INTS5: variants seen among roughly 807,000 people sequenced by gnomAD.
INTS5 encodes integrator complex subunit 5, also known as KIAA1698.
Under a neutral mutation model 60.0 loss-of-function variants are expected in INTS5, and 29 were observed. The observed-to-expected ratio is 0.48, with a 90% CI of 0.36 to 0.66. The LOEUF is 0.66. Among genes scored for constraint, INTS5 ranks in the 30% least tolerant of loss-of-function variants. INTS5 has a pLI of 0.00. For missense variants in INTS5, 1,129 were observed against 1,307.9 expected (o/e 0.86, Z 2.11); for synonymous variants, 588 against 558.8 (o/e 1.05, Z -0.74).
rs758953345 is a variant in INTS5 at position 62,647,397 on chromosome 11, G to A, written c.2683C>T (p.Pro895Ser). The change falls in exon 2 of 2, where the codon CCT (proline) becomes TCT (serine). Residue 895 changes from proline to serine, a missense_variant. By Grantham distance (74) the Pro-to-Ser change is moderately conservative (BLOSUM62 -1). Transcript: ENST00000330574. ...TGCCAGGGGGAGTGGGTCGTGTCAGGGTGGCGAGAGGCTTCCCAATGGCCC... is the reference window on the plus strand; with the variant it reads ...TGCCAGGGGGAGTGGGTCGTGTCAGAGTGGCGAGAGGCTTCCCAATGGCCC... ...LLGHWEASRHPDTTHSPWHLE... is the reference protein window; with the variant it reads ...LLGHWEASRHSDTTHSPWHLE... The A allele has an allele frequency of 1.9e-6, 3 of 1,612,068 alleles. No individual in the cohort carries two copies. The highest frequency in any genetic ancestry group is 2.2e-5 in the South Asian group (2 of 91,010).
Position 62,648,118 on chromosome 11 carries a change from G to A in INTS5, c.1962C>T (p.Arg654=). The A allele has an allele frequency of 1.9e-6, 3 of 1,614,008 alleles. No homozygotes were observed. Among genetic ancestry groups the A allele is most frequent in the Non-Finnish European group, 2.5e-6 (3 of 1,179,892 alleles). ...CATGCAGCCTCAGAGAGGCAAAGAAGCGGTGCACCCCAGCCCTTACCAGTC... is the reference window on the plus strand; with the variant it reads ...CATGCAGCCTCAGAGAGGCAAAGAAACGGTGCACCCCAGCCCTTACCAGTC... ...LLGLVRAGVH[R]FFASLRLHGP... The change falls in exon 2 of 2, where the codon CGC becomes CGT. Residue 654 remains arginine, a synonymous_variant. Transcript: ENST00000330574. This position sits in a 1 kb window ranked among gnomAD's most constrained non-coding sequence, Gnocchi z 4.4.
Position 62,647,003 on chromosome 11 carries a change from T to C in INTS5, c.*17A>G. The C allele has an allele frequency of 6.3e-7, 1 of 1,594,366 alleles. No individual in the cohort carries two copies. ...TCTCACTGCTCAACCTCCCTGGGCTTCCAGAGCAAGAAAAGGCTACGTCCC... is the reference window on the plus strand; with the variant it reads ...TCTCACTGCTCAACCTCCCTGGGCTCCCAGAGCAAGAAAAGGCTACGTCCC... On this transcript the variant is annotated 3_prime_UTR_variant, in exon 2 of 2. Coordinates refer to ENST00000330574, the MANE Select transcript of INTS5 (RefSeq NM_030628.2).
At chr11:62,652,957 T>C (rs919818994) in intron 1 of INTS5, among the ~76,000 whole-genome samples, 4 of 151,918 alleles carry the variant, frequency 2.6e-5, no homozygotes, top group African/African-American at 7.3e-5. Context: ...TAGTTAGGCA[T>C]TGGAGTCTAG....
rs773068224 is a variant in INTS5, at chr11:62,649,183, A to C, written c.897T>G (p.Gly299=). 6.2e-7 allele frequency: 1 copy of C among 1,613,780 alleles called. No individual in the cohort carries two copies. Among genetic ancestry groups the C allele is most frequent in the Non-Finnish European group, 8.5e-7 (1 of 1,179,788 alleles). ...TATCTCCGTGGCGGGAGGCCAGGTGACCTAGGATGCCTACAACTGAGGCAA... is the reference window on the plus strand; with the variant it reads ...TATCTCCGTGGCGGGAGGCCAGGTGCCCTAGGATGCCTACAACTGAGGCAA... ...PKIASVVGIL[G]HLASRHGDSI... is the part of the protein sequence containing the mutation. The change falls in exon 2 of 2, where the codon GGT becomes GGG. Residue 299 remains glycine, a synonymous_variant. Coordinates refer to ENST00000330574, the MANE Select transcript of INTS5 (RefSeq NM_030628.2). This position sits in a 1 kb window ranked among gnomAD's most constrained non-coding sequence, Gnocchi z 6.0.
chr11:62,651,190 A>T (rs1283117755), intron 1 of INTS5, among the ~76,000 whole-genome samples: 1 of 151,890 alleles, frequency 6.6e-6, no homozygotes, highest in Non-Finnish European at 1.5e-5. Flanking sequence ...CACTCACTGC[A>T]AGCTCCACCT....
chr11:62,648,171 C>G lies in INTS5; in HGVS notation c.1909G>C (p.Glu637Gln), dbSNP rs1360816530. ...AGGAGCTGGGAGGGGGATAAGGCTT[C>G]AGAAGGAAAGGGACAAATGGCCAGG... ...SLLAICPFPSEALSPSQLLGL... is the reference protein window; with the variant it reads ...SLLAICPFPSQALSPSQLLGL... The change falls in exon 2 of 2, where the codon GAA (glutamate) becomes CAA (glutamine). Residue 637 changes from glutamate (E) to glutamine (Q), a missense_variant. By Grantham distance (29) the Glu-to-Gln change is conservative. This residue lies in a region of INTS5 where 1,070 missense variants were observed against 1,246.1 expected (regional missense o/e 0.86). Coordinates refer to ENST00000330574, the MANE Select transcript of INTS5 (RefSeq NM_030628.2). The surrounding 1 kb of genome is among the most constrained non-coding windows in gnomAD (Gnocchi z 4.4). 2.5e-6 allele frequency: 4 copies of G among 1,613,202 alleles called. No individual in the cohort carries two copies. In the Admixed American group the frequency reaches 6.7e-5, roughly 27 times the overall value.
In INTS5 at chr11:62,649,825, G is replaced by A. The variant is rs777738365; in HGVS notation, c.255C>T (p.Val85=). 9.3e-6 allele frequency: 15 copies of A among 1,613,972 alleles called. No homozygotes were observed. Among genetic ancestry groups the A allele is most frequent in the Non-Finnish European group, 1.3e-5 (15 of 1,179,972 alleles). ...DHLRGVFDES[V]RAHLAALDET... Reference sequence around the variant, plus strand: ...CATCCAGGGCAGCCAGGTGGGCCCGGACACTCTCATCAAAGACACCTCTCA... The same window carrying A: ...CATCCAGGGCAGCCAGGTGGGCCCGAACACTCTCATCAAAGACACCTCTCA... The change falls in exon 2 of 2, where the codon GTC becomes GTT. Residue 85 remains valine (V), a synonymous_variant. Transcript: ENST00000330574. This position sits in a 1 kb window ranked among gnomAD's most constrained non-coding sequence, Gnocchi z 6.0.
Position 62,647,287 on chromosome 11 carries a change from A to G in INTS5, c.2793T>C (p.Phe931=), listed in dbSNP as rs1366475979. Residue 931 remains phenylalanine (F), a synonymous_variant, in exon 2 of 2, where the codon TTT becomes TTC. Coordinates refer to ENST00000330574, the MANE Select transcript of INTS5 (RefSeq NM_030628.2). ...PPALGNMHEV[F]SQLAPFEVRL... ...GCACCTCGAAAGGTGCCAGTTGGCT[A>G]AATACTTCATGCATATTACCCAGGG... 1.2e-6 allele frequency: 2 copies of G among 1,614,106 alleles called. No homozygotes were observed. Among genetic ancestry groups the G allele is most frequent in the African/African-American group, 1.3e-5 (1 of 74,940 alleles).
rs1219883803 is a variant in INTS5 at position 62,646,962 on chromosome 11, G to A, written c.*58C>T. ...AGAAACCTCCACCCTTCCGGAGCACGTTAGTCCCTTCCCTCTCTCACTGCT... is the reference window on the plus strand; with the variant it reads ...AGAAACCTCCACCCTTCCGGAGCACATTAGTCCCTTCCCTCTCTCACTGCT... On this transcript the variant is annotated 3_prime_UTR_variant, in exon 2 of 2. Coordinates refer to ENST00000330574, the MANE Select transcript of INTS5 (RefSeq NM_030628.2). The A allele has an allele frequency of 2.2e-6, 3 of 1,393,182 alleles. No homozygotes were observed. Among genetic ancestry groups the A allele is most frequent in the African/African-American group, 2.9e-5 (2 of 69,658 alleles). The allele number at this position is 1,393,182 out of a possible 1,614,324, so 86.3% of individuals were successfully genotyped here.
rs747879509 is a variant in INTS5, at chr11:62,648,612, G to C, written c.1468C>G (p.Arg490Gly). The C allele has an allele frequency of 6.2e-7, 1 of 1,614,058 alleles. No individual in the cohort carries two copies. ...CAGAGGAAGCGCTTCCGTTCCAATCGTAACGTCTCTCCACACAGCTCTCCA... is the reference window on the plus strand; with the variant it reads ...CAGAGGAAGCGCTTCCGTTCCAATCCTAACGTCTCTCCACACAGCTCTCCA... ...HVGELCGETL[R>G]LERKRFLWQH... Residue 490 changes from arginine to glycine, a missense_variant, in exon 2 of 2, where the codon CGA (arginine) becomes GGA (glycine). Arg to Gly is a moderately radical substitution (Grantham distance 125). Around this residue, in one of 3 missense-constraint regions of INTS5, gnomAD observed 1,070 missense variants for 1,246.1 expected, o/e 0.86. Transcript: ENST00000330574. The surrounding 1 kb of genome is among the most constrained non-coding windows in gnomAD (Gnocchi z 4.4).
chr11:62,653,167 T>C lies in INTS5; in HGVS notation c.80+3A>G, dbSNP rs1342994403. ...GGGGGAAGGTGCCAAGGGCTCTAAC[T>C]ACCTGAGAGGCGCGGGACCGTGGGT... is the stretch of plus-strand genomic sequence containing the variant. On this transcript the variant is annotated splice_donor_region_variant and intron_variant, in intron 1 of 1. Transcript: ENST00000330574. 2 of 1,245,306 alleles carry C rather than the reference T, an allele frequency of 1.6e-6. No individual in the cohort carries two copies. The highest frequency in any genetic ancestry group is 3.1e-5 in the African/African-American group (2 of 64,256). 77.1% of individuals were successfully genotyped at this position (1,245,306 alleles called of 1,614,324 possible).
chr11:62,648,964 C>T lies in INTS5; in HGVS notation c.1116G>A (p.Leu372=). The change falls in exon 2 of 2, where the codon CTG becomes CTA. Residue 372 remains leucine (L), a synonymous_variant. Coordinates refer to ENST00000330574, the MANE Select transcript of INTS5 (RefSeq NM_030628.2). This position sits in a 1 kb window ranked among gnomAD's most constrained non-coding sequence, Gnocchi z 4.4. ...CLKPPAVLSQ[L]QQHLQGFPRE... is the part of the protein sequence containing the mutation. ...GGGGGAATCCTTGAAGGTGTTGCTGCAGCTGGCTCAGCACAGCTGGGGGCT... is the reference window on the plus strand; with the variant it reads ...GGGGGAATCCTTGAAGGTGTTGCTGTAGCTGGCTCAGCACAGCTGGGGGCT... The T allele has an allele frequency of 6.2e-7, 1 of 1,612,738 alleles. No individual in the cohort carries two copies. The highest frequency in any genetic ancestry group is 1.3e-5 in the African/African-American group (1 of 75,030).
rs1256990607 is a variant in INTS5 at position 62,649,268 on chromosome 11, G to A, written c.812C>T (p.Pro271Leu). 4 of 1,613,962 alleles carry A rather than the reference G, an allele frequency of 2.5e-6. No individual in the cohort carries two copies. The highest frequency in any genetic ancestry group is 1.3e-5 in the African/African-American group (1 of 74,890). ...GSSGGSSSQT[P>L]STDPFPGSPA... ...AGATCCAGGGAAGGGGTCTGTAGAG[G>A]GGGTCTGAGAAGAGCTTCCACCACT... The change falls in exon 2 of 2, where the codon CCC becomes CTC. Residue 271 changes from proline to leucine, a missense_variant. By Grantham distance (98) the Pro-to-Leu change is moderately conservative. Coordinates refer to ENST00000330574, the MANE Select transcript of INTS5 (RefSeq NM_030628.2). The surrounding 1 kb of genome is among the most constrained non-coding windows in gnomAD (Gnocchi z 6.0).
intron 1 of INTS5, among the ~76,000 whole-genome samples, chr11:62,651,304 A>G (rs937015821): frequency 6.6e-6 from 1 of 151,022 alleles, no homozygotes; most frequent in Admixed American, 6.6e-5. Context: ...TTTAGTAGAG[A>G]CGGGGTTTCA....
At position 62,648,553 on chromosome 11, in the gene INTS5, A is replaced by G; in HGVS notation, c.1527T>C (p.Tyr509=). 4 of 1,614,140 alleles carry G rather than the reference A, an allele frequency of 2.5e-6. No individual in the cohort carries two copies. The highest frequency in any genetic ancestry group is 3.4e-6 in the Non-Finnish European group (4 of 1,180,030). Residue 509 remains tyrosine (Y), a synonymous_variant, in exon 2 of 2, where the codon TAT becomes TAC. Transcript: ENST00000330574. The surrounding 1 kb of genome is among the most constrained non-coding windows in gnomAD (Gnocchi z 4.4). The stretch of plus-strand genomic sequence containing the variant: ...CCTCAGGTCCACAGCTAGGCCGGGT[A>G]TAGACAGACAGCAGGCCCAAGAGCT... ...QHQLLGLLSV[Y]TRPSCGPEAL... is the part of the protein sequence containing the mutation.
In INTS5 at chr11:62,649,923, G is replaced by A. The variant is rs765047897; in HGVS notation, c.157C>T (p.Arg53Trp). The A allele has an allele frequency of 1.5e-5, 25 of 1,614,028 alleles. No individual in the cohort carries two copies. In the East Asian group the frequency reaches 1.8e-4, roughly 12 times the overall value. ...AGAAGACCACAGCGAGCATGTTCCC[G>A]GGCTGAGAGTTGGTGGCCCAGAATG... The part of the protein sequence containing the change: ...DPILGHQLSA[R>W]EHARCGLLLL... The change falls in exon 2 of 2, where the codon CGG becomes TGG. Residue 53 changes from arginine (R) to tryptophan (W), a missense_variant. By Grantham distance (101) the Arg-to-Trp change is moderately radical. This residue lies in a region of INTS5 where 1,070 missense variants were observed against 1,246.1 expected (regional missense o/e 0.86). Coordinates refer to ENST00000330574, the MANE Select transcript of INTS5 (RefSeq NM_030628.2). The surrounding 1 kb of genome is among the most constrained non-coding windows in gnomAD (Gnocchi z 6.0).
Position 62,648,353 on chromosome 11 carries a change from C to T in INTS5, c.1727G>A (p.Arg576His), listed in dbSNP as rs775101990. The T allele has an allele frequency of 2.7e-5, 43 of 1,613,958 alleles. No homozygotes were observed. The highest frequency in any genetic ancestry group is 5.0e-5 in the Admixed American group (3 of 60,012). Residue 576 changes from arginine to histidine, a missense_variant, in exon 2 of 2, where the codon CGC (arginine) becomes CAC (histidine). Physicochemically the swap from Arg to His is conservative, Grantham distance 29. This residue lies in a region of INTS5 where 1,070 missense variants were observed against 1,246.1 expected (regional missense o/e 0.86). Coordinates refer to ENST00000330574, the MANE Select transcript of INTS5 (RefSeq NM_030628.2). The surrounding 1 kb of genome is among the most constrained non-coding windows in gnomAD (Gnocchi z 4.4). ...LQPPFTARFL[R>H]NLALLVGWEQ... ...CCACCCTACTAGCAGTGCCAAGTTG[C>T]GCAGGAACCGGGCCGTGAAGGGAGG...
At position 62,649,456 on chromosome 11, in the gene INTS5, A is replaced by G. The variant is rs569642323; in HGVS notation, c.624T>C (p.Cys208=). The G allele has an allele frequency of 5.6e-6, 9 of 1,614,228 alleles. No individual in the cohort carries two copies. The South Asian group carries it at 6.6e-5, about 12-fold the overall frequency. Residue 208 remains cysteine, a synonymous_variant, in exon 2 of 2, where the codon TGT becomes TGC. Coordinates refer to ENST00000330574, the MANE Select transcript of INTS5 (RefSeq NM_030628.2). The surrounding 1 kb of genome is among the most constrained non-coding windows in gnomAD (Gnocchi z 6.0). ...CAGAGGTATCCAGCAAGGCATCCAC[A>G]CACGCATCTGGGCAGCTACCAATGA... ...SALIGSCPDA[C]VDALLDTSVQ... is the part of the protein sequence containing the mutation.
At position 62,653,158 on chromosome 11, in the gene INTS5, G is replaced by C. The variant is rs148881773; in HGVS notation, c.80+12C>G. The stretch of plus-strand genomic sequence containing the variant: ...CGCGCGATGGGGGGAAGGTGCCAAG[G>C]GCTCTAACTACCTGAGAGGCGCGGG... On this transcript the variant is annotated intron_variant, in intron 1 of 1. Transcript: ENST00000330574. The C allele has an allele frequency of 6.9e-4, 854 of 1,243,554 alleles. 5 individuals carry two copies. In the African/African-American group the frequency reaches 0.012, roughly 17 times the overall value. 77.0% of individuals were successfully genotyped at this position (1,243,554 alleles called of 1,614,324 possible). A position where few individuals can be genotyped will look rare whatever the true frequency, so the allele number is the denominator to read the frequency against.
Sources: allele counts gnomAD v4.1 joint callset (sites outside exome capture counted in the v4.1 genomes callset), GRCh38; gene constraint gnomAD v4.1.1; regional missense constraint gnomAD v4.1.1; non-coding constraint Gnocchi (gnomAD v3.1); transcripts MANE v1.5; gene names NCBI Gene and HGNC (gene_info 2026-07-23, HGNC 2026-07-21).